Variants in ATG2B observed in about 807,000 individuals in gnomAD.
The protein encoded by ATG2B is autophagy-related protein 2 homolog B.
In ATG2B, 121 loss-of-function variants were observed where a neutral mutation model predicts 241.3. The observed-to-expected ratio is 0.50, with a 90% CI of 0.43 to 0.58. The LOEUF is 0.58. Among genes scored for constraint, ATG2B ranks in the 20% least tolerant of loss-of-function variants. The pLI, the probability that ATG2B is intolerant of heterozygous loss-of-function variation, is 0.00. For synonymous variants in ATG2B, 858 were observed against 876.6 expected, an observed-to-expected ratio of 0.98 and a Z score of 0.37; for missense variants, 2,306 against 2,491.6, an observed-to-expected ratio of 0.93 and a Z score of 1.59.
rs757123851 is a variant in ATG2B, at chr14:96,311,580, T to C, written c.3952A>G (p.Thr1318Ala). 3 of 1,610,036 alleles carry C rather than the reference T, an allele frequency of 1.9e-6. No individual in the cohort carries two copies. The highest frequency in any genetic ancestry group is 3.3e-5 in the Admixed American group (2 of 59,932). The change falls in exon 27 of 42, where the codon ACC becomes GCC. Residue 1318 changes from threonine (T) to alanine (A), a missense_variant. Thr to Ala is a moderately conservative substitution (Grantham distance 58). Around this residue, in one of 2 missense-constraint regions of ATG2B, gnomAD observed 1,927 missense variants for 2,011.2 expected, o/e 0.96. Coordinates refer to ENST00000359933, the MANE Select transcript of ATG2B (RefSeq NM_018036.7). ...RVMDMGLLEL[T>A]ITAVKSDSDG... The stretch of plus-strand genomic sequence containing the variant: ...GAATCAGACTTCACTGCAGTTATGG[T>C]TAACTCCAAAAGCCCCATATCCATC...
intron 16 of ATG2B, among the ~76,000 whole-genome samples, chr14:96,323,037 G>T (rs995192166): frequency 8.5e-5 from 13 of 152,150 alleles, no homozygotes; most frequent in African/African-American, 3.1e-4. Context: ...AAGGATTCTA[G>T]TTATCATTAA....
Position 96,309,498 on chromosome 14 carries a change from T to A in ATG2B, c.4258A>T (p.Ile1420Phe), listed in dbSNP as rs760314480. The A allele has an allele frequency of 3.1e-6, 5 of 1,614,028 alleles. No individual in the cohort carries two copies. Among genetic ancestry groups the A allele is most frequent in the Admixed American group, 1.7e-5 (1 of 60,012 alleles). ...GACGAGGTGCCTTGTTGCATGTCGA[T>A]CTCCTCCATAGCATCACTCATCAGA... ...RDLMSDAMEE[I>F]DMQQGTSSVK... Residue 1420 changes from isoleucine (I) to phenylalanine (F), a missense_variant, in exon 29 of 42, where the codon ATC becomes TTC. By Grantham distance (21) the Ile-to-Phe change is conservative. Transcript: ENST00000359933.
At position 96,306,780 on chromosome 14, in the gene ATG2B, T is replaced by C. The variant is rs1566718863; in HGVS notation, c.4440A>G (p.Ala1480=). The stretch of plus-strand genomic sequence containing the variant: ...CATTCTCAGTGGGCACACCTGTCAT[T>C]GCATCACTGATGAAATGGTGAGAGA... ...ASFSHHFISD[A]MTGVPTENDD... Residue 1480 remains alanine (A), a synonymous_variant, in exon 30 of 42, where the codon GCA becomes GCG. Coordinates refer to ENST00000359933, the MANE Select transcript of ATG2B (RefSeq NM_018036.7). The C allele has an allele frequency of 3.7e-6, 6 of 1,614,128 alleles. No individual in the cohort carries two copies. The East Asian group carries it at 8.9e-5, about 24-fold the overall frequency.
chr14:96,333,284 A>C (rs111850059), intron 8 of ATG2B, among the ~76,000 whole-genome samples: 1 of 152,298 alleles, frequency 6.6e-6, no homozygotes, highest in Non-Finnish European at 1.5e-5. Context: ...ACTGATGGAA[A>C]GATCAATAAA....
chr14:96,296,589 G>A (rs905421498), intron 34 of ATG2B, among the ~76,000 whole-genome samples: 4 of 151,724 alleles, frequency 2.6e-5, no homozygotes, highest in East Asian at 1.9e-4. Context: ...GTGAAATCCC[G>A]TCTCTACTAA....
intron 34 of ATG2B, among the ~76,000 whole-genome samples, chr14:96,298,940 T>C (rs1886717617): frequency 6.6e-6 from 1 of 152,194 alleles, no homozygotes; most frequent in Admixed American, 6.5e-5. Context: ...CTTTAAAAAA[T>C]TGTTTATGCT....
At chr14:96,308,283 T>TATATATGTATATATATATA (rs1491275020) in intron 29 of ATG2B, among the ~76,000 whole-genome samples, 1 of 30,236 alleles carries the variant, frequency 3.3e-5, no homozygotes, top group Non-Finnish European at 6.6e-5. Context: ...TATATATATA[T>TATATATGTATATATATATA]TTTTTTTTTT....
chr14:96,342,839 G>C (rs549625833), intron 5 of ATG2B, among the ~76,000 whole-genome samples: 1 of 151,694 alleles, frequency 6.6e-6, no homozygotes, highest in South Asian at 2.1e-4. Flanking sequence ...CACAGTCCCA[G>C]CATTTTGAAT....
chr14:96,336,806 A>T lies in ATG2B; in HGVS notation c.925-2305T>A, dbSNP rs553731974. Among the ~76,000 whole-genome samples, 5 of 152,324 alleles carry T rather than the reference A, an allele frequency of 3.3e-5. No homozygotes were observed. The East Asian group carries it at 9.6e-4, about 29-fold the overall frequency. Reference sequence around the variant, plus strand: ...GCAGAGGATTCCCTGTAGAGTTTACATAATCTTTTGACTACCTGTTCTGCT... The same window carrying T: ...GCAGAGGATTCCCTGTAGAGTTTACTTAATCTTTTGACTACCTGTTCTGCT... On this transcript the variant is annotated intron_variant, in intron 6 of 41. Transcript: ENST00000359933.
At chr14:96,347,716 C>G (rs1247482009) in intron 1 of ATG2B, among the ~76,000 whole-genome samples, 2 of 152,094 alleles carry the variant, frequency 1.3e-5, no homozygotes, top group Non-Finnish European at 2.9e-5. Context: ...AAATGGCAAA[C>G]AGGCATGTGA....
chr14:96,294,455 C>T lies in ATG2B; in HGVS notation c.5426+505G>A, dbSNP rs192767309. ...GCCGTTGGGCAGCAGTCACAGCCGA[C>T]GGCAGCAGCACAGCGGACCTGGGTC... is the stretch of plus-strand genomic sequence containing the variant. On this transcript the variant is annotated intron_variant, in intron 36 of 41. Transcript: ENST00000359933. Among the ~76,000 whole-genome samples the T allele has an allele frequency of 1.7e-4, 26 of 152,262 alleles. No individual in the cohort carries two copies. In the South Asian group the frequency reaches 3.3e-3, roughly 19 times the overall value.
rs376918381 is a variant in ATG2B, at chr14:96,360,908, C to T, written c.162+1907G>A. Among the ~76,000 whole-genome samples the T allele has an allele frequency of 5.1e-4, 27 of 52,668 alleles. No homozygotes were observed. The South Asian group carries it at 0.012, about 23-fold the overall frequency. 34.6% of individuals were successfully genotyped at this position (52,668 alleles called of 152,430 possible). On this transcript the variant is annotated intron_variant, in intron 1 of 41. Transcript: ENST00000359933. ...AGGAGTTCAAGACCAGCTTTGGCAA[C>T]AAAGCAAGAGAATGAATCCTCTACC...
rs1595283799 is a variant in ATG2B at position 96,279,869 on chromosome 14, T to C, written c.*5886A>G. On this transcript the variant is annotated 3_prime_UTR_variant, in exon 42 of 42. Coordinates refer to ENST00000359933, the MANE Select transcript of ATG2B (RefSeq NM_018036.7). Reference sequence around the variant, plus strand: ...AGGGGAGTTTGTTACTGGCATCCAGTGGCCAGAGGCCAGCGGGGGGTGGGA... The same window carrying C: ...AGGGGAGTTTGTTACTGGCATCCAGCGGCCAGAGGCCAGCGGGGGGTGGGA... The C allele has an allele frequency of 8.4e-6, 1 of 119,456 alleles. No homozygotes were observed. Among genetic ancestry groups the C allele is most frequent in the African/African-American group, 3.2e-5 (1 of 31,742 alleles). 7.4% of individuals were successfully genotyped at this position (119,456 alleles called of 1,614,324 possible).
intron 8 of ATG2B, 134 bp downstream of exon 8, chr14:96,333,554 G>A (rs934936104): frequency 3.9e-5 from 30 of 766,516 alleles, no homozygotes; most frequent in Middle Eastern, 5.6e-4. Context: ...TAAATTAAAA[G>A]TTGTGGATTT....
In ATG2B at chr14:96,311,234, C is replaced by A; in HGVS notation, c.4044G>T (p.Thr1348=). Residue 1348 remains threonine, a synonymous_variant, in exon 28 of 42, where the codon ACG becomes ACT. Transcript: ENST00000359933. ...TTAACGCAGCACAAGAGTCTGAGCA[C>A]GTTCTGATATGGACAACATCGCTGG... ...HCSSDVVHIR[T]CSDSCAALMN... 4 of 1,613,986 alleles carry A rather than the reference C, an allele frequency of 2.5e-6. No individual in the cohort carries two copies. The highest frequency in any genetic ancestry group is 3.4e-6 in the Non-Finnish European group (4 of 1,179,920).
chr14:96,308,187 AAT>A (rs533816967), intron 29 of ATG2B, among the ~76,000 whole-genome samples: 17 of 136,320 alleles, frequency 1.2e-4, no homozygotes, highest in South Asian at 2.3e-4. Context: ...TAAATACATA[AAT>A]ATATATATAC....
In ATG2B at chr14:96,352,437, CAGA is replaced by C. The variant is rs566366911; in HGVS notation, c.163-5099_163-5097del. ...TCAGGCAGTTCTTTCAGGAGGTACC[CAGA>C]AGAAGGCATTGTTATCATAGGAAAG... On this transcript the variant is annotated intron_variant, in intron 1 of 41. Coordinates refer to ENST00000359933, the MANE Select transcript of ATG2B (RefSeq NM_018036.7). 3.9e-3 allele frequency among the ~76,000 whole-genome samples: 585 copies of C among 151,682 alleles called. 6 individuals carry two copies. The highest frequency in any genetic ancestry group is 0.013 in the African/African-American group (540 of 41,340).
At chr14:96,337,717 C>A (rs1440118480) in intron 6 of ATG2B, among the ~76,000 whole-genome samples, 3 of 152,024 alleles carry the variant, frequency 2.0e-5, no homozygotes, top group Admixed American at 1.3e-4. Flanking sequence ...AATGTGATAA[C>A]CCCAGATCTG....
intron 24 of ATG2B, 65 bp downstream of exon 24, chr14:96,313,264 G>A: frequency 7.2e-7 from 1 of 1,381,476 alleles, no homozygotes; most frequent in Non-Finnish European, 1.0e-6. Context: ...ACTGAATTAT[G>A]TATTTTTTTC....
Sources: gnomAD v4.1 joint callset for allele counts (sites outside exome capture counted in the v4.1 genomes callset) on GRCh38, gnomAD v4.1.1 for gene constraint, gnomAD v4.1.1 regional missense constraint, MANE v1.5 for transcripts, NCBI Gene and HGNC (gene_info 2026-07-23, HGNC 2026-07-21) for gene names.